The following CFAP52 variants were observed in gnomAD, a reference collection of about 807,000 sequenced individuals.
CFAP52 encodes the protein cilia and flagella associated protein 52.
A neutral mutation model predicts 70.5 loss-of-function variants in CFAP52; 57 were observed. The ratio of observed to expected loss-of-function variants is 0.81; its 90% CI spans 0.65 to 1.01. The LOEUF is 1.01. Ranked by LOEUF, CFAP52 falls within the 50% of genes least tolerant of loss-of-function variation. The probability of loss-of-function intolerance (pLI) is 0.00; values close to 1 mark genes in which losing one functional copy is unlikely to be tolerated. For synonymous variants in CFAP52, 267 were observed against 292.5 expected (o/e 0.91, Z 0.89); for missense variants, 785 against 788.5 (o/e 1.00, Z 0.05).
chr17:9,594,354 A>T (rs1290371602), intron 4 of CFAP52, 33 bp downstream of exon 4: 1 of 1,597,534 alleles, frequency 6.3e-7, no homozygotes, highest in Admixed American at 1.7e-5. Context: ...TTCAGAACTC[A>T]TAAATTGCTA....
chr17:9,643,364 T>C lies in CFAP52; in HGVS notation c.*166T>C, dbSNP rs1911176895. ...GCATTTTATATTCTTAAATTGCATA[T>C]TAAAATTGAAGTATGTTCAAGAATA... On this transcript the variant is annotated 3_prime_UTR_variant, in exon 14 of 14. Transcript: ENST00000352665. 2.0e-6 allele frequency: 1 copy of C among 495,122 alleles called. No homozygotes were observed. Among genetic ancestry groups the C allele is most frequent in the African/African-American group, 2.0e-5 (1 of 50,194 alleles). The allele number at this position is 495,122 out of a possible 1,614,324, so 30.7% of individuals were successfully genotyped here. A position where few individuals can be genotyped will look rare whatever the true frequency, so the allele number is the denominator to read the frequency against.
intron 6 of CFAP52, among the ~76,000 whole-genome samples, chr17:9,605,013 C>A (rs1476595718): frequency 1.3e-5 from 2 of 152,064 alleles, no homozygotes; most frequent in African/African-American, 2.4e-5. Context: ...AATAGTACGG[C>A]CACTTTGGAA....
intron 3 of CFAP52, 78 bp from the exon 4 acceptor site, chr17:9,594,115 C>T: frequency 4.7e-6 from 7 of 1,497,252 alleles, no homozygotes; most frequent in Non-Finnish European, 6.2e-6. Flanking sequence ...TTTCTAGAAC[C>T]ACTAAGATGG....
chr17:9,634,137 TCTC>T lies in CFAP52; in HGVS notation c.1320+1111_1320+1113del, dbSNP rs112280734. Among the ~76,000 whole-genome samples, 28 of 152,322 alleles carry T rather than the reference TCTC, an allele frequency of 1.8e-4. 1 individual carries two copies. The highest frequency in any genetic ancestry group is 6.0e-4 in the African/African-American group (25 of 41,564). ...TTGCTCACACATTTTTCTCTGGTTC[TCTC>T]CTCCTCTGTGCCCCAGATTCTTTGC... On this transcript the variant is annotated intron_variant, in intron 10 of 13. Transcript: ENST00000352665.
intron 3 of CFAP52, among the ~76,000 whole-genome samples, chr17:9,593,636 A>C (rs1475328236): frequency 6.6e-6 from 1 of 151,796 alleles, no homozygotes; most frequent in African/African-American, 2.4e-5. Context: ...TTTTATTTTC[A>C]GTAAAGATGG....
chr17:9,594,339 G>A lies in CFAP52; in HGVS notation c.536+18G>A. 1 of 1,606,962 alleles carries A rather than the reference G, an allele frequency of 6.2e-7. No individual in the cohort carries two copies. Among genetic ancestry groups the A allele is most frequent in the East Asian group, 2.2e-5 (1 of 44,748 alleles). On this transcript the variant is annotated intron_variant, in intron 4 of 13. Coordinates refer to ENST00000352665, the MANE Select transcript of CFAP52 (RefSeq NM_145054.5). ...GCTGGAAAGTATGTGTCTGCGTTCG[G>A]AGTTTTCAGAACTCATAAATTGCTA...
At chr17:9,584,461 T>G (rs1365595497) in intron 1 of CFAP52, 15 of 974,282 alleles carry the variant, frequency 1.5e-5, no homozygotes, top group Admixed American at 7.0e-5. Context: ...TGTATCAATT[T>G]AAAGTGTATA....
At chr17:9,577,230 C>T (rs1424645350) in intron 1 of CFAP52, among the ~76,000 whole-genome samples, 2 of 152,160 alleles carry the variant, frequency 1.3e-5, no homozygotes, top group Admixed American at 1.3e-4. Flanking sequence ...TGAGAAAGGG[C>T]TGGGAGGGAA....
chr17:9,586,192 A>G (rs1908466562), intron 2 of CFAP52, among the ~76,000 whole-genome samples: 1 of 152,140 alleles, frequency 6.6e-6, no homozygotes, highest in South Asian at 2.1e-4. Context: ...GATAATGCTC[A>G]CAAACAAAAG....
intron 4 of CFAP52, among the ~76,000 whole-genome samples, chr17:9,596,059 G>GTATGTATATATATA (rs1555541608): frequency 1.2e-5 from 1 of 85,212 alleles, no homozygotes; most frequent in African/African-American, 4.5e-5. Context: ...ATATGTGTGT[G>GTATGTATATATATA]TATATATATA....
intron 7 of CFAP52, among the ~76,000 whole-genome samples, chr17:9,611,157 G>A (rs564458720): frequency 1.3e-5 from 2 of 152,170 alleles, no homozygotes; most frequent in East Asian, 3.9e-4. Flanking sequence ...CTGGCTTCTT[G>A]CACAAGAACC....
At chr17:9,623,771 A>G (rs975688218) in intron 8 of CFAP52, among the ~76,000 whole-genome samples, 3 of 152,130 alleles carry the variant, frequency 2.0e-5, no homozygotes, top group Admixed American at 6.5e-5. Flanking sequence ...ATCATAGCAC[A>G]CTGCAGCCTA....
chr17:9,625,830 A>AC (rs1910215755), intron 8 of CFAP52, among the ~76,000 whole-genome samples: 1 of 152,146 alleles, frequency 6.6e-6, no homozygotes, highest in Non-Finnish European at 1.5e-5. Context: ...ATGTGTGTGA[A>AC]CCAGTTCAGT....
chr17:9,645,303 A>C, downstream of CFAP52: 5 of 184,404 alleles, frequency 2.7e-5, no homozygotes, highest in African/African-American at 2.3e-5. This position sits in a 1 kb window ranked among gnomAD's most constrained non-coding sequence, Gnocchi z 6.8. Flanking sequence ...TGCTCGAGGA[A>C]CAGGAGCAGC....
At chr17:9,605,879 A>G (rs1331847550) in intron 6 of CFAP52, among the ~76,000 whole-genome samples, 1 of 151,954 alleles carries the variant, frequency 6.6e-6, no homozygotes, top group Non-Finnish European at 1.5e-5. Context: ...GCCAAGAGGG[A>G]ACCCTAATGT....
In CFAP52 at chr17:9,612,444, T is replaced by A. The variant is rs781632763; in HGVS notation, c.990T>A (p.Cys330Ter). Residue 330 changes from cysteine to a stop codon, truncating the protein, a stop_gained, in exon 8 of 14, where the codon TGT becomes TGA. Coordinates refer to ENST00000352665, the MANE Select transcript of CFAP52 (RefSeq NM_145054.5). LOFTEE classifies it high-confidence loss of function. ...TDFKETLIAT[C>*]HFDAVEDIVF... ...TCAAAGAGACGCTCATAGCGACTTG[T>A]CACTTTGATGCTGTCGAGGATATTG... 1.2e-6 allele frequency: 2 copies of A among 1,614,198 alleles called. No homozygotes were observed. The highest frequency in any genetic ancestry group is 1.7e-5 in the Admixed American group (1 of 60,026).
intron 8 of CFAP52, among the ~76,000 whole-genome samples, chr17:9,621,682 T>G (rs1398582771): frequency 3.8e-4 from 23 of 60,754 alleles, no homozygotes; most frequent in African/African-American, 1.2e-3. Flanking sequence ...CCATAAAAAA[T>G]GATGAGTTCA....
intron 3 of CFAP52, among the ~76,000 whole-genome samples, chr17:9,593,843 T>C (rs1277307354): frequency 6.6e-6 from 1 of 151,694 alleles, no homozygotes; most frequent in Non-Finnish European, 1.5e-5. Flanking sequence ...TGTGCGTCTG[T>C]AGTCCCAGCT....
chr17:9,596,057 GTGTA>G (rs1555541588), intron 4 of CFAP52, among the ~76,000 whole-genome samples: 3,242 of 103,026 alleles, frequency 0.031, 27 homozygotes, highest in East Asian at 0.044. Flanking sequence ...ATATATGTGT[GTGTA>G]TATATATATA....
Sources: allele counts gnomAD v4.1 joint callset (sites outside exome capture counted in the v4.1 genomes callset), GRCh38; gene constraint gnomAD v4.1.1; non-coding constraint Gnocchi (gnomAD v3.1); transcripts MANE v1.5; gene names NCBI Gene and HGNC (gene_info 2026-07-23, HGNC 2026-07-21).